XYLT1: variants seen among roughly 807,000 people sequenced by gnomAD.
XYLT1 encodes the protein xylosyltransferase 1.
XYLT1 carries 36 observed loss-of-function variants against 91.3 expected under a neutral mutation model. The ratio of observed to expected loss-of-function variants is 0.39; its 90% CI spans 0.30 to 0.52. The LOEUF (loss-of-function observed/expected upper bound fraction) is 0.52. Among genes scored for constraint, XYLT1 ranks in the 20% least tolerant of loss-of-function variants. XYLT1 has a pLI of 0.68. For missense variants in XYLT1, 1,242 were observed against 1,284.5 expected, an observed-to-expected ratio of 0.97 and a Z score of 0.51; for synonymous variants, 588 against 532.0, an observed-to-expected ratio of 1.11 and a Z score of -1.45.
intron 2 of XYLT1, among the ~76,000 whole-genome samples, chr16:17,261,068 T>C (rs1416379416): frequency 6.6e-6 from 1 of 152,052 alleles, no homozygotes; most frequent in Non-Finnish European, 1.5e-5. Context: ...ACCCCATCTC[T>C]ACCAATAACA....
chr16:17,394,380 C>A (rs1300976602), intron 1 of XYLT1, among the ~76,000 whole-genome samples: 1 of 152,152 alleles, frequency 6.6e-6, no homozygotes. Flanking sequence ...CCATGGGAGG[C>A]AGCGGTGGTC....
At chr16:17,427,913 C>A (rs1371707740) in intron 1 of XYLT1, among the ~76,000 whole-genome samples, 2 of 152,012 alleles carry the variant, frequency 1.3e-5, no homozygotes, top group East Asian at 1.9e-4. Context: ...GAGTTCAAAC[C>A]TATAGGAACC....
chr16:17,173,872 A>G (rs1263615949), intron 5 of XYLT1, among the ~76,000 whole-genome samples: 2 of 152,238 alleles, frequency 1.3e-5, no homozygotes, highest in Non-Finnish European at 2.9e-5. Flanking sequence ...TTGAGCAAAG[A>G]TTTGATGAGA....
intron 3 of XYLT1, among the ~76,000 whole-genome samples, chr16:17,220,181 A>T (rs948209172): frequency 2.0e-5 from 3 of 152,218 alleles, no homozygotes; most frequent in Non-Finnish European, 4.4e-5. Flanking sequence ...CTCCAAAAGG[A>T]AACACATGTA....
At chr16:17,325,463 T>C (rs2034786591) in intron 2 of XYLT1, among the ~76,000 whole-genome samples, 2 of 152,222 alleles carry the variant, frequency 1.3e-5, no homozygotes, top group South Asian at 4.1e-4. Flanking sequence ...AAATTGCCAA[T>C]ATTGACCCTT....
intron 2 of XYLT1, among the ~76,000 whole-genome samples, chr16:17,289,821 C>T (rs947763469): frequency 6.6e-6 from 1 of 152,174 alleles, no homozygotes; most frequent in Non-Finnish European, 1.5e-5. Context: ...CAGAGTGATG[C>T]AGAGGAAAGT....
At position 17,172,252 on chromosome 16, in the gene XYLT1, T is replaced by C. The variant is rs563095532; in HGVS notation, c.1290-13343A>G. Among the ~76,000 whole-genome samples, 365 of 152,108 alleles carry C rather than the reference T, an allele frequency of 2.4e-3. 2 individuals carry two copies. In the South Asian group the frequency reaches 0.025, roughly 10 times the overall value. On this transcript the variant is annotated intron_variant, in intron 5 of 11. Transcript: ENST00000261381. Reference sequence around the variant, plus strand: ...TCCATTTCTCTTTCCTTTTCCTTTGTCCTTTTCTTTCCTTTCTCTTCCTGC... The same window carrying C: ...TCCATTTCTCTTTCCTTTTCCTTTGCCCTTTTCTTTCCTTTCTCTTCCTGC...
intron 8 of XYLT1, among the ~76,000 whole-genome samples, chr16:17,137,297 C>T (rs2030769865): frequency 6.6e-6 from 1 of 152,140 alleles, no homozygotes. Flanking sequence ...AAGCCAATGC[C>T]CACACAGCCC....
chr16:17,387,988 T>C (rs191259721), intron 1 of XYLT1, among the ~76,000 whole-genome samples: 41 of 152,302 alleles, frequency 2.7e-4, no homozygotes, highest in African/African-American at 9.1e-4. Flanking sequence ...TCGTGACTTA[T>C]AATGGGTTAG....
At chr16:17,413,735 C>A (rs2036143190) in intron 1 of XYLT1, among the ~76,000 whole-genome samples, 1 of 152,098 alleles carries the variant, frequency 6.6e-6, no homozygotes, top group Non-Finnish European at 1.5e-5. Flanking sequence ...ATTGTAGATG[C>A]TCTAGCATTA....
At chr16:17,390,038 C>A (rs1480422648) in intron 1 of XYLT1, among the ~76,000 whole-genome samples, 2 of 152,168 alleles carry the variant, frequency 1.3e-5, no homozygotes, top group Non-Finnish European at 2.9e-5. Context: ...ACTTCACCCC[C>A]TGCCCATCTC....
chr16:17,186,614 C>A (rs1212684850), intron 5 of XYLT1, among the ~76,000 whole-genome samples: 2 of 151,894 alleles, frequency 1.3e-5, no homozygotes, highest in African/African-American at 4.8e-5. Flanking sequence ...CTCTGAATTT[C>A]TGAGAATCAC....
intron 1 of XYLT1, among the ~76,000 whole-genome samples, chr16:17,382,146 G>A (rs72781577): frequency 0.28 from 41,941 of 151,808 alleles, 6,913 homozygotes; most frequent in Non-Finnish European, 0.38. Context: ...CACAGTGAGA[G>A]AAGCCACTTT....
intron 2 of XYLT1, among the ~76,000 whole-genome samples, chr16:17,346,799 G>A (rs1437758361): frequency 6.6e-6 from 1 of 152,130 alleles, no homozygotes; most frequent in South Asian, 2.1e-4. Flanking sequence ...AGCTGGCTGG[G>A]TTTTTCCTTC....
intron 1 of XYLT1, among the ~76,000 whole-genome samples, chr16:17,470,029 G>A (rs2036961086): frequency 6.6e-6 from 1 of 152,076 alleles, no homozygotes; most frequent in Non-Finnish European, 1.5e-5. Context: ...ATGCTGCTGC[G>A]ACAACCGCCC....
intron 2 of XYLT1, among the ~76,000 whole-genome samples, chr16:17,316,846 G>T (rs1375699383): frequency 7.1e-6 from 1 of 141,588 alleles, no homozygotes; most frequent in Middle Eastern, 4.5e-3. Flanking sequence ...TTTTGAGACG[G>T]AGTCTCGCTC....
chr16:17,147,102 A>G (rs1366491113), intron 6 of XYLT1, among the ~76,000 whole-genome samples: 2 of 152,202 alleles, frequency 1.3e-5, no homozygotes, highest in Non-Finnish European at 2.9e-5. Context: ...TCATTAGCAA[A>G]GTCATGTTCT....
rs1463145897 is a variant in XYLT1, at chr16:17,138,471, G to A, written c.1648C>T (p.Leu550=). 1 of 1,614,070 alleles carries A rather than the reference G, an allele frequency of 6.2e-7. No individual in the cohort carries two copies. Among genetic ancestry groups the A allele is most frequent in the Non-Finnish European group, 8.5e-7 (1 of 1,180,034 alleles). The change falls in exon 8 of 12, where the codon CTG becomes TTG. Residue 550 remains leucine, a synonymous_variant. Coordinates refer to ENST00000261381, the MANE Select transcript of XYLT1 (RefSeq NM_022166.4). ...TTGCGATTCCAGTTGGTGATGCGCA[G>A]GTTGTTGTCCACCATGGTGTCGCAG... is the stretch of plus-strand genomic sequence containing the variant. ...PHCDTMVDNN[L]RITNWNRKLG...
rs1370062453 is a variant in XYLT1 at position 17,142,866 on chromosome 16, T to TA, written c.1371-1498dup. Among the ~76,000 whole-genome samples the TA allele has an allele frequency of 1.3e-4, 20 of 152,326 alleles. 1 individual carries two copies. The highest frequency in any genetic ancestry group is 1.1e-3 in the Admixed American group (17 of 15,302). On this transcript the variant is annotated intron_variant, in intron 6 of 11. Coordinates refer to ENST00000261381, the MANE Select transcript of XYLT1 (RefSeq NM_022166.4). ...GACCGAGTCAGTTAGTTACTGCTAA[T>TA]ACTACTGTGATTTGTTACCTACCTT...
Sources: gnomAD v4.1 joint callset for allele counts (sites outside exome capture counted in the v4.1 genomes callset) on GRCh38, gnomAD v4.1.1 for gene constraint, MANE v1.5 for transcripts, NCBI Gene and HGNC (gene_info 2026-07-23, HGNC 2026-07-21) for gene names.